CTNNA2: variants seen among roughly 807,000 people sequenced by gnomAD.
CTNNA2 encodes the protein catenin alpha-2.
A neutral mutation model predicts 101.0 loss-of-function variants in CTNNA2; 42 were observed. The observed-to-expected ratio is 0.42, with a 90% CI of 0.32 to 0.54. The LOEUF is 0.54. Among genes scored for constraint, CTNNA2 ranks in the 20% least tolerant of loss-of-function variants. The pLI is 0.14. For missense variants in CTNNA2, 871 were observed against 1,223.1 expected (o/e 0.71, Z 4.29); for synonymous variants, 450 against 456.4 (o/e 0.99, Z 0.18).
At chr2:79,817,640 T>A (rs1209665046) in intron 3 of CTNNA2, among the ~76,000 whole-genome samples, 1 of 152,088 alleles carries the variant, frequency 6.6e-6, no homozygotes, top group East Asian at 1.9e-4. Flanking sequence ...CCTTCTCTTA[T>A]GAGATGTTCA....
chr2:79,847,111 T>G (rs2103878241), intron 3 of CTNNA2, among the ~76,000 whole-genome samples: 1 of 152,316 alleles, frequency 6.6e-6, no homozygotes, highest in East Asian at 1.9e-4. Flanking sequence ...CTAATGAGCA[T>G]TCATCTTGAC....
At chr2:80,143,986 G>A (rs935500582) in intron 7 of CTNNA2, among the ~76,000 whole-genome samples, 3 of 152,060 alleles carry the variant, frequency 2.0e-5, no homozygotes, top group Non-Finnish European at 2.9e-5. Flanking sequence ...AGTTTTGGGG[G>A]CTAGAGGTCT....
At position 79,241,459 on chromosome 2, in the gene CTNNA2, A is replaced by G. The variant is rs149337616; in HGVS notation, c.-406+43383A>G. Among the ~76,000 whole-genome samples the G allele has an allele frequency of 3.9e-4, 59 of 152,322 alleles. No homozygotes were observed. The East Asian group carries it at 0.01, about 26-fold the overall frequency. ...GAATTCCTGAGAGAAGCATTAAGTC[A>G]GTAAAAAGATCTGAAAAACAATTGA... On this transcript the variant is annotated intron_variant, in intron 2 of 21. Transcript: ENST00000466387.
At chr2:79,225,649 G>C (rs1674399322) in intron 2 of CTNNA2, among the ~76,000 whole-genome samples, 1 of 152,116 alleles carries the variant, frequency 6.6e-6, no homozygotes, top group African/African-American at 2.4e-5. Context: ...TCAACTGCTA[G>C]GGACATCTTT....
chr2:79,679,601 C>T (rs183833771), intron 2 of CTNNA2, among the ~76,000 whole-genome samples: 1 of 152,168 alleles, frequency 6.6e-6, no homozygotes, highest in Admixed American at 6.5e-5. Flanking sequence ...TCCTGGCCTT[C>T]TGTTTCTGTT....
chr2:79,288,826 A>ACTT (rs1675702946), intron 2 of CTNNA2, among the ~76,000 whole-genome samples: 1 of 152,210 alleles, frequency 6.6e-6, no homozygotes, highest in Non-Finnish European at 1.5e-5. Flanking sequence ...ATAGATACTG[A>ACTT]CTTTCAGTGG....
chr2:80,566,970 T>C (rs1694118662), intron 12 of CTNNA2, among the ~76,000 whole-genome samples: 1 of 152,152 alleles, frequency 6.6e-6, no homozygotes, highest in African/African-American at 2.4e-5. Context: ...AAGTGAAAGC[T>C]CTGAACAGTG....
intron 7 of CTNNA2, among the ~76,000 whole-genome samples, chr2:80,089,519 CATAG>C (rs1293122899): frequency 6.6e-6 from 1 of 151,608 alleles, no homozygotes; most frequent in Non-Finnish European, 1.5e-5. Context: ...CAATTACGCT[CATAG>C]ATACTTTTTT....
chr2:79,522,588 G>A (rs1332703413), intron 1 of CTNNA2, among the ~76,000 whole-genome samples: 1 of 152,120 alleles, frequency 6.6e-6, no homozygotes, highest in Non-Finnish European at 1.5e-5. Context: ...TGGAGGAGGG[G>A]GTGACCTTGT....
chr2:79,625,207 TA>T lies in CTNNA2; in HGVS notation c.-5-26344del, dbSNP rs1246130552. Among the ~76,000 whole-genome samples, 3 of 152,044 alleles carry T rather than the reference TA, an allele frequency of 2.0e-5. No individual in the cohort carries two copies. The East Asian group carries it at 5.8e-4, about 29-fold the overall frequency. On this transcript the variant is annotated intron_variant, in intron 1 of 18. Coordinates refer to ENST00000402739, the MANE Select transcript of CTNNA2 (RefSeq NM_001282597.3). ...GGTGAAGGGATATTATAAAATGAGA[TA>T]CACAGGAAAAAAGAGGGACTGACCA...
At chr2:79,890,268 C>T (rs982880290) in intron 6 of CTNNA2, among the ~76,000 whole-genome samples, 1 of 152,158 alleles carries the variant, frequency 6.6e-6, no homozygotes, top group African/African-American at 2.4e-5. Context: ...ATCCAGGAAC[C>T]ACAGCCTGAA....
At chr2:79,943,384 G>C (rs1036935282) in intron 7 of CTNNA2, among the ~76,000 whole-genome samples, 1 of 152,154 alleles carries the variant, frequency 6.6e-6, no homozygotes, top group Non-Finnish European at 1.5e-5. Context: ...AAAAAGATGA[G>C]TGTTTGTATA....
chr2:79,620,391 C>G (rs1678919096), intron 1 of CTNNA2, among the ~76,000 whole-genome samples: 1 of 152,170 alleles, frequency 6.6e-6, no homozygotes, highest in Non-Finnish European at 1.5e-5. Context: ...CTGGGAAATT[C>G]CTACATTCCT....
intron 1 of CTNNA2, among the ~76,000 whole-genome samples, chr2:79,528,352 TAGG>T (rs1348495236): frequency 2.6e-5 from 4 of 151,940 alleles, no homozygotes; most frequent in Admixed American, 6.6e-5. Context: ...GCTGGGATTA[TAGG>T]GGTATGCCAC....
At chr2:79,369,246 A>T (rs1180191287) in intron 3 of CTNNA2, among the ~76,000 whole-genome samples, 3 of 152,166 alleles carry the variant, frequency 2.0e-5, no homozygotes, top group Non-Finnish European at 4.4e-5. Context: ...TTTTAGATTC[A>T]GCATTTCCTG....
At chr2:80,563,260 G>A (rs1404814739) in intron 12 of CTNNA2, among the ~76,000 whole-genome samples, 3 of 152,146 alleles carry the variant, frequency 2.0e-5, no homozygotes, top group African/African-American at 2.4e-5. Context: ...TGCTTTAATT[G>A]TGCACAACTG....
chr2:79,381,194 C>T (rs1300218970), intron 4 of CTNNA2, among the ~76,000 whole-genome samples: 1 of 152,138 alleles, frequency 6.6e-6, no homozygotes, highest in East Asian at 1.9e-4. Context: ...AAAGGGAAAG[C>T]TAGAACTGCA....
At chr2:79,673,038 T>TA (rs958854289) in intron 2 of CTNNA2, among the ~76,000 whole-genome samples, 18 of 151,996 alleles carry the variant, frequency 1.2e-4, no homozygotes, top group African/African-American at 2.9e-4. Context: ...TGATTGAGGT[T>TA]AAAAAAAATA....
At chr2:79,823,274 G>A (rs1410061541) in intron 3 of CTNNA2, among the ~76,000 whole-genome samples, 2 of 152,186 alleles carry the variant, frequency 1.3e-5, no homozygotes, top group African/African-American at 2.4e-5. Context: ...TGGAAAGATT[G>A]TAGGATATTT....
Sources: gnomAD v4.1 joint callset for allele counts (sites outside exome capture counted in the v4.1 genomes callset) on GRCh38, gnomAD v4.1.1 for gene constraint, MANE v1.5 for transcripts, NCBI Gene and HGNC (gene_info 2026-07-23, HGNC 2026-07-21) for gene names.